BCKDHB: variants seen among roughly 807,000 people sequenced by gnomAD.
BCKDHB encodes branched chain keto acid dehydrogenase E1 subunit beta.
BCKDHB carries 41 observed loss-of-function variants against 48.5 expected under a neutral mutation model. The observed-to-expected ratio is 0.85, with a 90% confidence interval of 0.66 to 1.10. The LOEUF is 1.10. BCKDHB is among the 50% of genes least tolerant of loss of function. The pLI, the probability that BCKDHB is intolerant of heterozygous loss-of-function variation, is 0.00. For synonymous variants in BCKDHB, 201 were observed against 174.8 expected (o/e 1.15, Z -1.18); for missense variants, 496 against 494.2 (o/e 1.00, Z -0.03).
intron 8 of BCKDHB, among the ~76,000 whole-genome samples, chr6:80,261,613 T>TG (rs2127951139): frequency 6.6e-6 from 1 of 152,228 alleles, no homozygotes; most frequent in African/African-American, 2.4e-5. Context: ...ACCACTATCA[T>TG]GGGTCTTCAT....
intron 8 of BCKDHB, among the ~76,000 whole-genome samples, chr6:80,262,084 TCTC>T (rs1410404931): frequency 7.2e-5 from 11 of 152,120 alleles, no homozygotes; most frequent in Admixed American, 7.2e-4. Flanking sequence ...GGTAAGGTCT[TCTC>T]CTGTGCTGCC....
intron 9 of BCKDHB, among the ~76,000 whole-genome samples, chr6:80,340,247 A>G (rs771781962): frequency 1.3e-5 from 2 of 152,218 alleles, no homozygotes; most frequent in African/African-American, 2.4e-5. Context: ...TGCCAACAGA[A>G]TATATGTAGG....
intron 3 of BCKDHB, among the ~76,000 whole-genome samples, chr6:80,164,828 C>T (rs1461403651): frequency 6.6e-6 from 1 of 152,136 alleles, no homozygotes; most frequent in Non-Finnish European, 1.5e-5. Context: ...CAGGGTACTA[C>T]AGGAACTTTA....
At chr6:80,131,045 G>T (rs953625135) in intron 3 of BCKDHB, among the ~76,000 whole-genome samples, 8 of 152,118 alleles carry the variant, frequency 5.3e-5, no homozygotes, top group Non-Finnish European at 1.2e-4. Context: ...AAAATCTAGG[G>T]GTTTGTGTAG....
chr6:80,456,061 A>C, the BCKDHB span, among the ~76,000 whole-genome samples: 1 of 152,012 alleles, frequency 6.6e-6, no homozygotes, highest in Non-Finnish European at 1.5e-5. Flanking sequence ...CTAAAAATAC[A>C]AAAATTAGTC....
At chr6:80,336,732 T>C (rs1011671532) in intron 9 of BCKDHB, among the ~76,000 whole-genome samples, 5 of 152,084 alleles carry the variant, frequency 3.3e-5, no homozygotes, top group Admixed American at 2.6e-4. Flanking sequence ...TATTATTTAC[T>C]GTCTTACTCA....
intron 1 of BCKDHB, among the ~76,000 whole-genome samples, chr6:80,113,949 A>G (rs1769549265): frequency 6.6e-6 from 1 of 152,014 alleles, no homozygotes; most frequent in Non-Finnish European, 1.5e-5. Flanking sequence ...ACAAAGTTAT[A>G]CTCCTATGCA....
chr6:80,155,990 T>A (rs921281364), intron 3 of BCKDHB, among the ~76,000 whole-genome samples: 1 of 151,748 alleles, frequency 6.6e-6, no homozygotes, highest in Non-Finnish European at 1.5e-5. Context: ...AAAAATACTT[T>A]CCCCCCCAAC....
intron 8 of BCKDHB, among the ~76,000 whole-genome samples, chr6:80,245,424 A>G (rs1776571092): frequency 6.6e-6 from 1 of 152,162 alleles, no homozygotes; most frequent in Admixed American, 6.5e-5. Context: ...AGACAAAGTG[A>G]GAGGCTGGAA....
At chr6:80,317,424 C>G (rs775478028) in intron 9 of BCKDHB, among the ~76,000 whole-genome samples, 7 of 152,292 alleles carry the variant, frequency 4.6e-5, no homozygotes, top group Non-Finnish European at 1.0e-4. Flanking sequence ...CTTGCGGCCT[C>G]TCACATTTTT....
intron 9 of BCKDHB, among the ~76,000 whole-genome samples, chr6:80,308,985 T>G (rs1768020828): frequency 6.6e-6 from 1 of 152,166 alleles, no homozygotes; most frequent in Admixed American, 6.5e-5. Flanking sequence ...GTACTTGCTA[T>G]TATTTGCTAT....
intron 9 of BCKDHB, among the ~76,000 whole-genome samples, chr6:80,332,527 G>A (rs1769363112): frequency 6.6e-6 from 1 of 151,874 alleles, no homozygotes; most frequent in South Asian, 2.1e-4. Context: ...GTTAAGGCTA[G>A]GATAAAACTT....
At chr6:80,340,825 G>C (rs1349986956) in intron 9 of BCKDHB, among the ~76,000 whole-genome samples, 1 of 152,020 alleles carries the variant, frequency 6.6e-6, no homozygotes. Flanking sequence ...GTACGTACAT[G>C]TATACAGCTT....
the BCKDHB span, among the ~76,000 whole-genome samples, chr6:80,449,870 C>A: frequency 1.3e-5 from 2 of 152,106 alleles, no homozygotes; most frequent in Non-Finnish European, 2.9e-5. Flanking sequence ...AATATTTAAG[C>A]ATTTAGCTTT....
the BCKDHB span, among the ~76,000 whole-genome samples, chr6:80,449,162 T>C: frequency 5.9e-5 from 9 of 152,344 alleles, no homozygotes; most frequent in South Asian, 1.9e-3. Context: ...ATTCTTTTAA[T>C]CTAGAACAGA....
intron 6 of BCKDHB, among the ~76,000 whole-genome samples, chr6:80,198,115 G>A (rs1030724962): frequency 3.3e-5 from 5 of 152,168 alleles, no homozygotes; most frequent in Non-Finnish European, 7.4e-5. Context: ...AAATATTTTA[G>A]GTTTGCAGAC....
intron 9 of BCKDHB, among the ~76,000 whole-genome samples, chr6:80,296,782 T>C (rs1764664513): frequency 6.6e-6 from 1 of 152,184 alleles, no homozygotes. Context: ...AGAATCTCTT[T>C]TACAATTAAT....
the BCKDHB span, chr6:80,374,290 T>C: frequency 1.1e-6 from 1 of 928,140 alleles, no homozygotes. Context: ...TTTTTAAGCA[T>C]GTGCAGCAAA....
chr6:80,321,830 T>G (rs1768743151), intron 9 of BCKDHB, among the ~76,000 whole-genome samples: 1 of 152,194 alleles, frequency 6.6e-6, no homozygotes, highest in Non-Finnish European at 1.5e-5. Flanking sequence ...TCCAATTACA[T>G]TTTGTAAAAT....
Sources: allele counts gnomAD v4.1 joint callset (sites outside exome capture counted in the v4.1 genomes callset), GRCh38; gene constraint gnomAD v4.1.1; transcripts MANE v1.5; gene names NCBI Gene and HGNC (gene_info 2026-07-23, HGNC 2026-07-21).